The following NEURL4 variants were observed in gnomAD, a reference collection of about 807,000 sequenced individuals.
The protein encoded by NEURL4 is neuralized E3 ubiquitin protein ligase 4.
Under a neutral mutation model 148.0 loss-of-function variants are expected in NEURL4, and 45 were observed. That is an observed-to-expected ratio of 0.30 (90% CI 0.24 to 0.39). NEURL4 has a LOEUF of 0.39. NEURL4 is among the 10% of genes least tolerant of loss of function. The pLI, the probability that NEURL4 is intolerant of heterozygous loss-of-function variation, is 1.00. For synonymous variants in NEURL4, 854 were observed against 869.0 expected (o/e 0.98, Z 0.30); for missense variants, 1,776 against 2,144.0 (o/e 0.83, Z 3.39).
chr17:7,325,789 A>G (rs1171198387), intron 6 of NEURL4, 76 bp from the exon 7 acceptor site: 1 of 1,225,226 alleles, frequency 8.2e-7, no homozygotes, highest in African/African-American at 1.5e-5. Context: ...GAACAACTCC[A>G]GAAGGTATTC....
rs767319890 is a variant in NEURL4 at position 7,329,019 on chromosome 17, C to G, written c.282+12G>C. The G allele has an allele frequency of 1.9e-6, 3 of 1,549,394 alleles. No homozygotes were observed. Among genetic ancestry groups the G allele is most frequent in the Non-Finnish European group, 2.6e-6 (3 of 1,143,756 alleles). On this transcript the variant is annotated intron_variant, in intron 1 of 28. Transcript: ENST00000399464. ...CCCTCCACATCTCTGTTCCGCGGTA[C>G]CAGCGCTGCACCTTGCGGTCGATGC...
chr17:7,317,249 G>C lies in NEURL4; in HGVS notation c.4440C>G (p.Pro1480=). 1 of 1,522,578 alleles carries C rather than the reference G, an allele frequency of 6.6e-7. No individual in the cohort carries two copies. The highest frequency in any genetic ancestry group is 1.4e-5 in the African/African-American group (1 of 71,922). 94.3% of individuals were successfully genotyped at this position (1,522,578 alleles called of 1,614,324 possible). A position where few individuals can be genotyped will look rare whatever the true frequency, so the allele number is the denominator to read the frequency against. The change falls in exon 28 of 29, where the codon CCC becomes CCG. Residue 1480 remains proline (P), a synonymous_variant. Coordinates refer to ENST00000399464, the MANE Select transcript of NEURL4 (RefSeq NM_032442.3). ...TCTCCGCCCCAGCATATTGAAGGGA[G>C]GGGGAAAGCAGCACAGGAGGGGGCT... ...EEQPPPVLLS[P]SLQYAGAETL... is the part of the protein sequence containing the mutation.
intron 21 of NEURL4, among the ~76,000 whole-genome samples, 167 bp from the exon 22 acceptor site, chr17:7,319,375 T>TC (rs2072996625): frequency 9.7e-5 from 2 of 20,572 alleles, no homozygotes; most frequent in Middle Eastern, 0.016. Context: ...TCTTTCCCTC[T>TC]TTTTTTTTTT....
Position 7,321,165 on chromosome 17 carries a change from C to A in NEURL4, c.3307G>T (p.Asp1103Tyr). Reference protein sequence around the residue: ...EGTQPPSPSSDTGSEGEEDDE... With the variant: ...EGTQPPSPSSYTGSEGEEDDE... The stretch of plus-strand genomic sequence containing the variant: ...TCCTCCTCGCCCTCACTGCCGGTGT[C>A]TGAACTGGGGGAAGGAGGCTGGGTG... Residue 1103 changes from aspartate to tyrosine, a missense_variant, in exon 20 of 29, where the codon GAC becomes TAC. Transcript: ENST00000399464. This position sits in a 1 kb window ranked among gnomAD's most constrained non-coding sequence, Gnocchi z 6.3. 1 of 1,614,010 alleles carries A rather than the reference C, an allele frequency of 6.2e-7. No individual in the cohort carries two copies.
In NEURL4 at chr17:7,326,874, G is replaced by C. The variant is rs2073109709; in HGVS notation, c.929C>G (p.Pro310Arg). 15 of 1,613,872 alleles carry C rather than the reference G, an allele frequency of 9.3e-6. No homozygotes were observed. The highest frequency in any genetic ancestry group is 1.2e-5 in the Non-Finnish European group (14 of 1,179,992). Reference protein sequence around the residue: ...GLGSSGAATSPILTSNDALLF... With the variant: ...GLGSSGAATSRILTSNDALLF... ...CAGGGCATCGTTGGAAGTGAGAATG[G>C]GCGAGGTGGCAGCACCGCTAGATCC... The change falls in exon 4 of 29, where the codon CCC becomes CGC. Residue 310 changes from proline (P) to arginine (R), a missense_variant. Pro to Arg is a moderately radical substitution (Grantham distance 103). Coordinates refer to ENST00000399464, the MANE Select transcript of NEURL4 (RefSeq NM_032442.3). This position sits in a 1 kb window ranked among gnomAD's most constrained non-coding sequence, Gnocchi z 6.0.
Position 7,324,784 on chromosome 17 carries a change from T to G in NEURL4, c.1813+15A>C. On this transcript the variant is annotated intron_variant, in intron 9 of 28. Transcript: ENST00000399464. The surrounding 1 kb of genome is among the most constrained non-coding windows in gnomAD (Gnocchi z 5.9). ...CCAAAACCCTATCCTGTCCCTGCCCTTCCTGGGAGCTCACCAGAGCGCAAG... is the reference window on the plus strand; with the variant it reads ...CCAAAACCCTATCCTGTCCCTGCCCGTCCTGGGAGCTCACCAGAGCGCAAG... 6.2e-7 allele frequency: 1 copy of G among 1,613,906 alleles called. No individual in the cohort carries two copies. The highest frequency in any genetic ancestry group is 2.2e-5 in the East Asian group (1 of 44,872).
rs749830012 is a variant in NEURL4 at position 7,315,930 on chromosome 17, G to A, written c.*193C>T. The A allele has an allele frequency of 1.7e-6, 1 of 601,276 alleles. No individual in the cohort carries two copies. The highest frequency in any genetic ancestry group is 3.0e-6 in the Non-Finnish European group (1 of 336,084). 37.2% of individuals were successfully genotyped at this position (601,276 alleles called of 1,614,324 possible). A position where few individuals can be genotyped will look rare whatever the true frequency, so the allele number is the denominator to read the frequency against. Reference sequence around the variant, plus strand: ...CCCACGACTCCTCCCATCAGACGGAGTGCTGGGCCTCCGGACATGGAGCTG... The same window carrying A: ...CCCACGACTCCTCCCATCAGACGGAATGCTGGGCCTCCGGACATGGAGCTG... On this transcript the variant is annotated 3_prime_UTR_variant, in exon 29 of 29. Coordinates refer to ENST00000399464, the MANE Select transcript of NEURL4 (RefSeq NM_032442.3).
intron 21 of NEURL4, among the ~76,000 whole-genome samples, chr17:7,319,509 T>C (rs1355905019): frequency 6.7e-6 from 1 of 150,238 alleles, no homozygotes; most frequent in Non-Finnish European, 1.5e-5. Flanking sequence ...GAGACCAGCC[T>C]GACCAACATG....
intron 1 of NEURL4, among the ~76,000 whole-genome samples, chr17:7,328,473 A>G (rs9905997): frequency 0.49 from 74,059 of 152,002 alleles, 18,425 homozygotes; most frequent in East Asian, 0.68. Context: ...GCATGATCTC[A>G]GCTCACTGCA....
At position 7,322,267 on chromosome 17, in the gene NEURL4, C is replaced by T. The variant is rs923531207; in HGVS notation, c.2726-257G>A. On this transcript the variant is annotated intron_variant, in intron 16 of 28. Coordinates refer to ENST00000399464, the MANE Select transcript of NEURL4 (RefSeq NM_032442.3). The surrounding 1 kb of genome is among the most constrained non-coding windows in gnomAD (Gnocchi z 5.5). ...CGACTTCCTGGGATCCAGCTATCCT[C>T]CCACCTCAGCCTCTCAAGTAGCTGG... Among the ~76,000 whole-genome samples the T allele has an allele frequency of 1.3e-5, 2 of 152,126 alleles. No individual in the cohort carries two copies. Among genetic ancestry groups the T allele is most frequent in the African/African-American group, 4.8e-5 (2 of 41,402 alleles).
chr17:7,320,726 G>C (rs372767128), intron 21 of NEURL4, 33 bp downstream of exon 21: 2 of 1,595,226 alleles, frequency 1.3e-6, no homozygotes, highest in Admixed American at 1.7e-5. Context: ...ACTGTGGAGC[G>C]AGAGAAGCTG....
Position 7,326,168 on chromosome 17 carries a change from A to C in NEURL4, c.1293+87T>G. 3 of 1,283,232 alleles carry C rather than the reference A, an allele frequency of 2.3e-6. No individual in the cohort carries two copies. The highest frequency in any genetic ancestry group is 3.3e-6 in the Non-Finnish European group (3 of 897,972). 79.5% of individuals were successfully genotyped at this position (1,283,232 alleles called of 1,614,324 possible). A position where few individuals can be genotyped will look rare whatever the true frequency, so the allele number is the denominator to read the frequency against. On this transcript the variant is annotated intron_variant, in intron 6 of 28. Transcript: ENST00000399464. This position sits in a 1 kb window ranked among gnomAD's most constrained non-coding sequence, Gnocchi z 6.0. The stretch of plus-strand genomic sequence containing the variant: ...TACAGGGACTGCCTCTAGGTCACAT[A>C]GGAGACCCTGCTTGGTGCCCTGGCA...
In NEURL4 at chr17:7,325,408, T is replaced by G. The variant is rs746459498; in HGVS notation, c.1432A>C (p.Lys478Gln). The G allele has an allele frequency of 1.4e-5, 22 of 1,612,854 alleles. No homozygotes were observed. The highest frequency in any genetic ancestry group is 1.9e-5 in the Non-Finnish European group (22 of 1,179,978). The part of the protein sequence containing the change: ...GVVDLYGMAV[K>Q]VTIVHNNNHS... ...TTGTTATTGTGGACGATGGTCACCT[T>G]CACTGCCATCCCGTACAAGTCCACC... The change falls in exon 8 of 29, where the codon AAG becomes CAG. Residue 478 changes from lysine (K) to glutamine (Q), a missense_variant. Coordinates refer to ENST00000399464, the MANE Select transcript of NEURL4 (RefSeq NM_032442.3).
rs2143013567 is a variant in NEURL4, at chr17:7,327,236, GA to G, written c.728-7del. The G allele has an allele frequency of 6.2e-7, 1 of 1,606,030 alleles. No homozygotes were observed. Among genetic ancestry groups the G allele is most frequent in the African/African-American group, 1.3e-5 (1 of 74,876 alleles). ...CGCTGGGGACACCATGAAGGCTGGG[GA>G]CCAGGTGGGATGGGAGGGGAATAAG... is the stretch of plus-strand genomic sequence containing the variant. On this transcript the variant is annotated splice_polypyrimidine_tract_variant and splice_region_variant and intron_variant, in intron 2 of 28. Transcript: ENST00000399464. This position sits in a 1 kb window ranked among gnomAD's most constrained non-coding sequence, Gnocchi z 6.6.
chr17:7,323,558 T>C lies in NEURL4; in HGVS notation c.2344A>G (p.Thr782Ala). The C allele has an allele frequency of 6.2e-7, 1 of 1,614,174 alleles. No individual in the cohort carries two copies. The highest frequency in any genetic ancestry group is 8.5e-7 in the Non-Finnish European group (1 of 1,180,018). ...RWSGSIEAGV[T>A]AIRPEDLEFP... ...TCCAGGTCTTCAGGCCGAATAGCAG[T>C]CACTCCTGGGAGGAGGCAGGGGTAA... Residue 782 changes from threonine (T) to alanine (A), a missense_variant, in exon 14 of 29, where the codon ACT becomes GCT. By Grantham distance (58) the Thr-to-Ala change is moderately conservative. Transcript: ENST00000399464.
In NEURL4 at chr17:7,323,807, G is replaced by A; in HGVS notation, c.2261+7C>T. On this transcript the variant is annotated splice_region_variant and intron_variant, in intron 12 of 28. Transcript: ENST00000399464. ...GAAGGTGGGGACATGAAAGTTGAGA[G>A]ACTGACCGGTTGGAGATGACGATGG... 6.2e-7 allele frequency: 1 copy of A among 1,614,158 alleles called. No homozygotes were observed. The highest frequency in any genetic ancestry group is 8.5e-7 in the Non-Finnish European group (1 of 1,180,032).
intron 28 of NEURL4, among the ~76,000 whole-genome samples, 172 bp downstream of exon 28, chr17:7,317,033 G>A (rs1267095646): frequency 6.6e-6 from 1 of 152,186 alleles, no homozygotes; most frequent in African/African-American, 2.4e-5. Context: ...CACTAGAAGA[G>A]TATATAAGTA....
At position 7,325,354 on chromosome 17, in the gene NEURL4, C is replaced by T; in HGVS notation, c.1486G>A (p.Ala496Thr). ...TCGGGGGACAGCGCCCGCAGGATGG[C>T]GTTGTTTCGGCGGAGACGGTCACTG... ...NHSDRLRRNN[A>T]ILRALSPEGA... is the part of the protein sequence containing the mutation. Residue 496 changes from alanine to threonine, a missense_variant, in exon 8 of 29, where the codon GCC becomes ACC. By Grantham distance (58) the Ala-to-Thr change is moderately conservative. Coordinates refer to ENST00000399464, the MANE Select transcript of NEURL4 (RefSeq NM_032442.3). 1.9e-6 allele frequency: 3 copies of T among 1,613,398 alleles called. No individual in the cohort carries two copies. The highest frequency in any genetic ancestry group is 2.5e-6 in the Non-Finnish European group (3 of 1,179,950).
intron 21 of NEURL4, among the ~76,000 whole-genome samples, chr17:7,319,429 T>C (rs4796402): frequency 0.54 from 75,750 of 141,138 alleles, 20,669 homozygotes; most frequent in East Asian, 0.68. Context: ...CAGCCGGGCA[T>C]GGTGACCCAC....
Sources: gnomAD v4.1 joint callset for allele counts (sites outside exome capture counted in the v4.1 genomes callset) on GRCh38, gnomAD v4.1.1 for gene constraint, Gnocchi (gnomAD v3.1) non-coding constraint, MANE v1.5 for transcripts, NCBI Gene and HGNC (gene_info 2026-07-23, HGNC 2026-07-21) for gene names.